The following PHACTR4 variants were observed in gnomAD, a reference collection of about 807,000 sequenced individuals.
PHACTR4 encodes the protein protein phosphatase 1, regulatory subunit 124.
In PHACTR4, 51 loss-of-function variants were observed where a neutral mutation model predicts 72.7. The observed-to-expected ratio is 0.70, with a 90% confidence interval of 0.56 to 0.89. PHACTR4 has a LOEUF of 0.89. Among genes scored for constraint, PHACTR4 ranks in the 40% least tolerant of loss-of-function variants. The pLI, the probability that PHACTR4 is intolerant of heterozygous loss-of-function variation, is 0.00. For missense variants in PHACTR4, 731 were observed against 861.8 expected, an observed-to-expected ratio of 0.85 and a Z score of 1.90; for synonymous variants, 255 against 302.5, an observed-to-expected ratio of 0.84 and a Z score of 1.63.
chr1:28,471,652 A>G (rs1178079937), intron 6 of PHACTR4, among the ~76,000 whole-genome samples: 1 of 152,066 alleles, frequency 6.6e-6, no homozygotes, highest in African/African-American at 2.4e-5. Context: ...GACTTTGCTG[A>G]AACAACACCA....
intron 9 of PHACTR4, among the ~76,000 whole-genome samples, chr1:28,482,874 G>T (rs563382535): frequency 1.7e-4 from 26 of 151,778 alleles, no homozygotes; most frequent in African/African-American, 6.3e-4. Flanking sequence ...GAGAGATCAA[G>T]GCCGCAGTAT....
chr1:28,469,414 G>A (rs909883129), intron 6 of PHACTR4, among the ~76,000 whole-genome samples: 3 of 152,136 alleles, frequency 2.0e-5, no homozygotes, highest in East Asian at 1.9e-4. Context: ...ATAGCTGAAC[G>A]GGTGAAAGGG....
intron 3 of PHACTR4, 54 bp from the exon 4 acceptor site, chr1:28,460,158 A>C: frequency 8.2e-7 from 1 of 1,212,706 alleles, no homozygotes; most frequent in South Asian, 1.2e-5. Context: ...GCTAAGTGTA[A>C]GGTTGACTTT....
intron 2 of PHACTR4, among the ~76,000 whole-genome samples, chr1:28,437,880 C>A (rs1023241368): frequency 5.9e-5 from 9 of 152,160 alleles, no homozygotes; most frequent in African/African-American, 2.2e-4. Flanking sequence ...CTAAAACACA[C>A]CTTTGAATGG....
intron 2 of PHACTR4, among the ~76,000 whole-genome samples, chr1:28,440,343 G>C (rs1458921170): frequency 7.3e-6 from 1 of 136,556 alleles, no homozygotes; most frequent in East Asian, 2.0e-4. Context: ...TCTGAGTAAC[G>C]TTTGGTATTT....
At chr1:28,433,421 A>G (rs1656411389) in intron 2 of PHACTR4, among the ~76,000 whole-genome samples, 1 of 151,744 alleles carries the variant, frequency 6.6e-6, no homozygotes, top group Admixed American at 6.6e-5. Flanking sequence ...GCACATAGGC[A>G]ACAGACTTAG....
Position 28,465,818 on chromosome 1 carries a change from T to G in PHACTR4, c.405T>G (p.Ala135=), listed in dbSNP as rs1659124759. 6.2e-7 allele frequency: 1 copy of G among 1,612,754 alleles called. No individual in the cohort carries two copies. Among genetic ancestry groups the G allele is most frequent in the Admixed American group, 1.7e-5 (1 of 59,662 alleles). The change falls in exon 5 of 14, where the codon GCT becomes GCG. Residue 135 remains alanine, a synonymous_variant. Transcript: ENST00000373839. The stretch of plus-strand genomic sequence containing the variant: ...TAAGATTAGCAAGTCTTAGGAAAGC[T>G]ATTCCAGAAGAGGACCTAAAGAAAC... ...EPVRLASLRK[A]IPEEDLKKRL...
intron 1 of PHACTR4, among the ~76,000 whole-genome samples, chr1:28,380,478 G>C (rs1175115126): frequency 6.6e-6 from 1 of 152,140 alleles, no homozygotes; most frequent in Non-Finnish European, 1.5e-5. Flanking sequence ...GTGCCCATTA[G>C]TTATTTTTCC....
intron 1 of PHACTR4, among the ~76,000 whole-genome samples, chr1:28,393,971 C>T (rs920174336): frequency 6.6e-6 from 1 of 152,052 alleles, no homozygotes; most frequent in Non-Finnish European, 1.5e-5. Context: ...CCTTGGACTC[C>T]CAAAGTGCTG....
intron 1 of PHACTR4, among the ~76,000 whole-genome samples, chr1:28,376,371 A>G (rs78143625): frequency 0.38 from 57,285 of 150,254 alleles, 12,539 homozygotes; most frequent in African/African-American, 0.6. Flanking sequence ...GAGTCCAGTG[A>G]CATGATCAGG....
At position 28,419,394 on chromosome 1, in the gene PHACTR4, C is replaced by CAT. The variant is rs1395833376; in HGVS notation, c.16+11939_16+11940dup. ...TATGTAGATATATTATCACTTTACA[C>CAT]ATATATATACACACACACATATAAA... On this transcript the variant is annotated intron_variant, in intron 2 of 13. Transcript: ENST00000373839. Among the ~76,000 whole-genome samples the CAT allele has an allele frequency of 3.4e-5, 5 of 148,224 alleles. No individual in the cohort carries two copies. The South Asian group carries it at 6.3e-4, about 19-fold the overall frequency.
chr1:28,477,021 C>T (rs1352713912), intron 8 of PHACTR4, among the ~76,000 whole-genome samples: 7 of 151,216 alleles, frequency 4.6e-5, no homozygotes, highest in African/African-American at 1.2e-4. Flanking sequence ...CTGCCTGCCT[C>T]GGCCTCCCAA....
chr1:28,457,266 G>A (rs1156631363), intron 2 of PHACTR4: 2 of 439,594 alleles, frequency 4.5e-6, no homozygotes, highest in Admixed American at 2.5e-5. Context: ...AATGCTGTTG[G>A]TTGTATATTT....
At chr1:28,484,837 GCA>G (rs1334644573) in intron 9 of PHACTR4, among the ~76,000 whole-genome samples, 3 of 151,758 alleles carry the variant, frequency 2.0e-5, no homozygotes, top group African/African-American at 7.3e-5. Flanking sequence ...GTGGTGGCAG[GCA>G]CCTGTAGTCC....
intron 2 of PHACTR4, among the ~76,000 whole-genome samples, chr1:28,412,689 T>C: frequency 6.6e-6 from 1 of 152,202 alleles, no homozygotes; most frequent in East Asian, 1.9e-4. Context: ...AATTTTTTTG[T>C]ATTCTTATGT....
At chr1:28,415,833 A>C (rs1160943325) in intron 2 of PHACTR4, among the ~76,000 whole-genome samples, 1 of 152,240 alleles carries the variant, frequency 6.6e-6, no homozygotes, top group African/African-American at 2.4e-5. Context: ...TTTGTATCAT[A>C]TAGGAAATAG....
intron 1 of PHACTR4, among the ~76,000 whole-genome samples, chr1:28,403,187 C>T (rs778966420): frequency 2.2e-4 from 34 of 152,172 alleles, no homozygotes; most frequent in Non-Finnish European, 2.2e-4. Context: ...TTGGGATCAA[C>T]ACCCGTAGAA....
chr1:28,438,747 T>G (rs557531089), intron 2 of PHACTR4, among the ~76,000 whole-genome samples: 1 of 152,350 alleles, frequency 6.6e-6, no homozygotes, highest in South Asian at 2.1e-4. Context: ...TTACTAAAGA[T>G]AAATGCTACA....
chr1:28,425,441 G>T (rs1655776705), intron 2 of PHACTR4, among the ~76,000 whole-genome samples: 1 of 152,136 alleles, frequency 6.6e-6, no homozygotes, highest in African/African-American at 2.4e-5. Flanking sequence ...TTGAATTACT[G>T]GCTTGAAGAG....
Sources: allele counts gnomAD v4.1 joint callset (sites outside exome capture counted in the v4.1 genomes callset), GRCh38; gene constraint gnomAD v4.1.1; transcripts MANE v1.5; gene names NCBI Gene and HGNC (gene_info 2026-07-23, HGNC 2026-07-21).